The following ZFPM2 variants were observed in gnomAD, a reference collection of about 807,000 sequenced individuals.
The protein encoded by ZFPM2 is zinc finger protein ZFPM2.
In ZFPM2, 20 loss-of-function variants were observed where a neutral mutation model predicts 98.6. The ratio of observed to expected loss-of-function variants is 0.20; its 90% CI spans 0.14 to 0.29. The LOEUF is 0.29. Ranked by LOEUF, ZFPM2 falls within the 10% of genes least tolerant of loss-of-function variation. The probability of loss-of-function intolerance (pLI) is 1.00; values close to 1 mark genes in which losing one functional copy is unlikely to be tolerated. For synonymous variants in ZFPM2, 518 were observed against 502.7 expected (o/e 1.03, Z -0.41); for missense variants, 1,310 against 1,388.6 (o/e 0.94, Z 0.90).
chr8:105,636,074 A>G (rs1816841911), intron 5 of ZFPM2, among the ~76,000 whole-genome samples: 1 of 152,172 alleles, frequency 6.6e-6, no homozygotes. Flanking sequence ...TGTGCATGAA[A>G]CTAAGTTTTG....
At chr8:105,330,800 C>G (rs974564635) in intron 1 of ZFPM2, among the ~76,000 whole-genome samples, 3 of 149,362 alleles carry the variant, frequency 2.0e-5, no homozygotes, top group Admixed American at 1.3e-4. Flanking sequence ...TTGATGGTAG[C>G]TAATAATGGT....
intron 5 of ZFPM2, among the ~76,000 whole-genome samples, chr8:105,668,127 A>C (rs1330360133): frequency 6.6e-6 from 1 of 152,210 alleles, no homozygotes; most frequent in Non-Finnish European, 1.5e-5. Context: ...CCCTAGACAG[A>C]TAGGCCATTG....
At chr8:105,599,559 A>G (rs902845309) in intron 4 of ZFPM2, among the ~76,000 whole-genome samples, 1 of 152,028 alleles carries the variant, frequency 6.6e-6, no homozygotes, top group Admixed American at 6.6e-5. Flanking sequence ...AGCTGATCAG[A>G]GGATCAGAGT....
At chr8:105,514,458 T>C (rs552024283) in intron 3 of ZFPM2, among the ~76,000 whole-genome samples, 12 of 152,262 alleles carry the variant, frequency 7.9e-5, no homozygotes, top group African/African-American at 2.6e-4. Context: ...CAGTCCCACT[T>C]GTAGCCCAGC....
At chr8:105,542,142 CTTTGTAATTAATTTAT>C (rs2130628061) in intron 3 of ZFPM2, among the ~76,000 whole-genome samples, 1 of 151,938 alleles carries the variant, frequency 6.6e-6, no homozygotes, top group African/African-American at 2.4e-5. Context: ...ATTTTGCTAG[CTTTGTAATTAATTTAT>C]TGATTGATAG....
At chr8:105,363,708 C>CCTAAGTTTGGGGAAACTTAGGAATG (rs765265544) in intron 1 of ZFPM2, among the ~76,000 whole-genome samples, 9 of 152,014 alleles carry the variant, frequency 5.9e-5, no homozygotes, top group South Asian at 2.1e-4. Flanking sequence ...GATATGTATT[C>CCTAAGTTTGGGGAAACTTAGGAATG]CTAAGTTTGG....
In ZFPM2 at chr8:105,633,732, C is replaced by A. The variant is rs138700663; in HGVS notation, c.421-514C>A. 6.7e-3 allele frequency among the ~76,000 whole-genome samples: 1,014 copies of A among 152,186 alleles called. 13 individuals are homozygous for A. Among genetic ancestry groups the A allele is most frequent in the African/African-American group, 0.023 (963 of 41,528 alleles). On this transcript the variant is annotated intron_variant, in intron 4 of 7. Transcript: ENST00000407775. The stretch of plus-strand genomic sequence containing the variant: ...TTTCAGTTACAGTGAGACTACATAT[C>A]CACACTTAGGGGGTTGGGTAGATTT...
Position 105,802,742 on chromosome 8 carries a change from T to C in ZFPM2, c.2660T>C (p.Leu887Pro). Residue 887 changes from leucine to proline, a missense_variant, in exon 8 of 8, where the codon CTG becomes CCG. Physicochemically the swap from Leu to Pro is moderately conservative, Grantham distance 98. Coordinates refer to ENST00000407775, the MANE Select transcript of ZFPM2 (RefSeq NM_012082.4). ...GTTACTGCACATCAGCGTAATGACCTGGGTCAACTGGACGGCAAAGTGTTT... is the reference window on the plus strand; with the variant it reads ...GTTACTGCACATCAGCGTAATGACCCGGGTCAACTGGACGGCAAAGTGTTT... Reference protein sequence around the residue: ...CPVTAHQRNDLGQLDGKVFPN... With the variant: ...CPVTAHQRNDPGQLDGKVFPN... The C allele has an allele frequency of 1.2e-6, 2 of 1,613,438 alleles. No individual in the cohort carries two copies. Among genetic ancestry groups the C allele is most frequent in the Non-Finnish European group, 8.5e-7 (1 of 1,179,740 alleles).
intron 5 of ZFPM2, among the ~76,000 whole-genome samples, chr8:105,657,035 A>G (rs1817299591): frequency 6.6e-6 from 1 of 152,170 alleles, no homozygotes; most frequent in Non-Finnish European, 1.5e-5. Flanking sequence ...TAGAGAAAAT[A>G]GATTGGTTTA....
intron 3 of ZFPM2, among the ~76,000 whole-genome samples, chr8:105,509,537 T>G (rs1185637055): frequency 6.6e-6 from 1 of 152,330 alleles, no homozygotes; most frequent in East Asian, 1.9e-4. Context: ...GAATAAAGTC[T>G]TTGGTACATT....
At chr8:105,433,424 T>G (rs2130153468) in intron 2 of ZFPM2, among the ~76,000 whole-genome samples, 1 of 152,272 alleles carries the variant, frequency 6.6e-6, no homozygotes, top group Non-Finnish European at 1.5e-5. Context: ...ACATAAACAT[T>G]AGTATTTTCA....
At chr8:105,396,649 T>A (rs1172509389) in intron 1 of ZFPM2, among the ~76,000 whole-genome samples, 2 of 152,342 alleles carry the variant, frequency 1.3e-5, no homozygotes, top group East Asian at 3.9e-4. Flanking sequence ...CATAAATATC[T>A]TCCGTTAGTG....
At chr8:105,379,035 TATTTAG>T (rs1271494917) in intron 1 of ZFPM2, among the ~76,000 whole-genome samples, 1 of 152,132 alleles carries the variant, frequency 6.6e-6, no homozygotes, top group Non-Finnish European at 1.5e-5. Flanking sequence ...GTCTAGGACC[TATTTAG>T]ATAATTATAC....
At chr8:105,521,516 GA>G (rs1484825542) in intron 3 of ZFPM2, among the ~76,000 whole-genome samples, 4 of 151,268 alleles carry the variant, frequency 2.6e-5, no homozygotes, top group Admixed American at 1.3e-4. Flanking sequence ...GAAAATTGTA[GA>G]AAAAATATGG....
intron 1 of ZFPM2, among the ~76,000 whole-genome samples, chr8:105,352,289 A>G (rs1317223716): frequency 6.6e-6 from 1 of 152,344 alleles, no homozygotes; most frequent in Admixed American, 6.5e-5. Context: ...ACAAGTTTTA[A>G]ATACCGAATT....
intron 4 of ZFPM2, among the ~76,000 whole-genome samples, chr8:105,617,020 G>GGAAAAAAAAAAAAAA (rs1816431048): frequency 3.6e-5 from 1 of 28,120 alleles, no homozygotes; most frequent in African/African-American, 1.5e-4. Context: ...ACTCTGTCTC[G>GGAAAAAAAAAAAAAA]AAAAAAAAAA....
intron 3 of ZFPM2, among the ~76,000 whole-genome samples, chr8:105,528,025 C>T (rs983349436): frequency 1.3e-5 from 2 of 152,004 alleles, no homozygotes; most frequent in Admixed American, 6.6e-5. Flanking sequence ...GGTACTTGCT[C>T]CAGAGGTTTC....
chr8:105,495,644 C>T (rs1287726190), intron 3 of ZFPM2, among the ~76,000 whole-genome samples: 1 of 152,174 alleles, frequency 6.6e-6, no homozygotes, highest in Admixed American at 6.6e-5. Flanking sequence ...TCCTCTCAGT[C>T]TTTAGTCCAC....
intron 5 of ZFPM2, among the ~76,000 whole-genome samples, chr8:105,749,457 C>T (rs1812426957): frequency 6.6e-6 from 1 of 152,012 alleles, no homozygotes; most frequent in South Asian, 2.1e-4. Context: ...ACCTGCATTA[C>T]TTCCTCCCCA....
Sources: allele counts gnomAD v4.1 joint callset (sites outside exome capture counted in the v4.1 genomes callset), GRCh38; gene constraint gnomAD v4.1.1; transcripts MANE v1.5; gene names NCBI Gene and HGNC (gene_info 2026-07-23, HGNC 2026-07-21).